Variants in CREB3L3 observed in about 807,000 individuals in gnomAD.
CREB3L3 encodes the protein cyclic AMP-responsive element-binding protein 3-like protein 3.
Under a neutral mutation model 44.6 loss-of-function variants are expected in CREB3L3, and 40 were observed. The observed-to-expected ratio is 0.90, with a 90% CI of 0.70 to 1.17. The LOEUF (loss-of-function observed/expected upper bound fraction) is 1.17. Ranked by LOEUF, CREB3L3 falls within the 50% of genes most tolerant of loss-of-function variation. The probability of loss-of-function intolerance (pLI) is 0.00; values close to 1 mark genes in which losing one functional copy is unlikely to be tolerated. For synonymous variants in CREB3L3, 273 were observed against 256.3 expected (o/e 1.06, Z -0.62); for missense variants, 578 against 595.8 (o/e 0.97, Z 0.31).
chr19:4,164,667 G>A (rs772607501), intron 5 of CREB3L3, 27 bp downstream of exon 5: 2 of 1,613,310 alleles, frequency 1.2e-6, no homozygotes, highest in Non-Finnish European at 1.7e-6. Context: ...TTCCAGCCCT[G>A]GATCCATCTC....
chr19:4,160,418 C>G (rs928820519), intron 4 of CREB3L3, among the ~76,000 whole-genome samples: 1 of 151,924 alleles, frequency 6.6e-6, no homozygotes, highest in African/African-American at 2.4e-5. Context: ...ATCGCCCAGG[C>G]TGGAGTGCAG....
At chr19:4,155,301 G>A (rs2041557315) in intron 2 of CREB3L3, among the ~76,000 whole-genome samples, 1 of 152,014 alleles carries the variant, frequency 6.6e-6, no homozygotes, top group Non-Finnish European at 1.5e-5. Flanking sequence ...CAAACTTGGG[G>A]CATCTCCCTG....
At chr19:4,166,980 C>T (rs756231689) in intron 5 of CREB3L3, among the ~76,000 whole-genome samples, 2 of 152,016 alleles carry the variant, frequency 1.3e-5, no homozygotes, top group African/African-American at 2.4e-5. Context: ...GATCCTCTTG[C>T]CTTGGCCTCC....
chr19:4,165,731 G>A (rs752549540), intron 5 of CREB3L3, among the ~76,000 whole-genome samples: 2 of 151,708 alleles, frequency 1.3e-5, no homozygotes, highest in Non-Finnish European at 2.9e-5. Flanking sequence ...CCTGGTGGTG[G>A]GCAACTGTAA....
At chr19:4,156,095 C>G (rs148799754) in intron 2 of CREB3L3, among the ~76,000 whole-genome samples, 929 of 17,876 alleles carry the variant, frequency 0.052, 47 homozygotes, top group East Asian at 0.092. Context: ...CTCTCTCTCT[C>G]TCTCTCTCTC....
At position 4,157,257 on chromosome 19, in the gene CREB3L3, T is replaced by A. The variant is rs1318265523; in HGVS notation, c.419T>A (p.Val140Glu). ...TGCTCCACCACAACCCCAGGGCCAGTGATCCAAGTACCTGAAGCCTCTGTG... is the reference window on the plus strand; with the variant it reads ...TGCTCCACCACAACCCCAGGGCCAGAGATCCAAGTACCTGAAGCCTCTGTG... ...NSCSTTTPGPVIQVPEASVTI... is the reference protein window; with the variant it reads ...NSCSTTTPGPEIQVPEASVTI... The change falls in exon 3 of 10, where the codon GTG becomes GAG. Residue 140 changes from valine to glutamate, a missense_variant. Physicochemically the swap from Val to Glu is moderately radical, Grantham distance 121. Transcript: ENST00000078445. 1.9e-6 allele frequency: 3 copies of A among 1,614,154 alleles called. No individual in the cohort carries two copies. The highest frequency in any genetic ancestry group is 1.6e-4 in the Middle Eastern group (1 of 6,062).
chr19:4,165,989 G>A (rs1405109163), intron 5 of CREB3L3, among the ~76,000 whole-genome samples: 1 of 152,072 alleles, frequency 6.6e-6, no homozygotes, highest in Admixed American at 6.6e-5. Flanking sequence ...ATATGCACCA[G>A]TCAATGGCTG....
Position 4,155,152 on chromosome 19 carries a change from G to C in CREB3L3, c.156+125G>C, listed in dbSNP as rs1468525243. ...CTGCTCAGCTCTACGATGCACTAAT[G>C]GGTCACGGTGCTTGATTTTAGCCAA... On this transcript the variant is annotated intron_variant, in intron 2 of 9. Coordinates refer to ENST00000078445, the MANE Select transcript of CREB3L3 (RefSeq NM_032607.3). The C allele has an allele frequency of 4.2e-6, 5 of 1,189,630 alleles. No individual in the cohort carries two copies. The African/African-American group carries it at 7.5e-5, about 18-fold the overall frequency. 73.7% of individuals were successfully genotyped at this position (1,189,630 alleles called of 1,614,324 possible).
At chr19:4,157,370 C>T (rs2145120680) in intron 3 of CREB3L3, 75 bp downstream of exon 3, 2 of 1,521,140 alleles carry the variant, frequency 1.3e-6, no homozygotes, top group East Asian at 2.3e-5. Flanking sequence ...GAAATGGAGG[C>T]CCAGAGAGGG....
At chr19:4,168,511 GAGA>G in intron 6 of CREB3L3, 54 bp downstream of exon 6, 9 of 1,416,282 alleles carry the variant, frequency 6.4e-6, no homozygotes, top group Non-Finnish European at 8.8e-6. Flanking sequence ...GAGGCCCAGA[GAGA>G]AGGAGATGTG....
chr19:4,164,541 T>C lies in CREB3L3; in HGVS notation c.615T>C (p.Pro205=). ...TGGGGGCCTCCTACCTCCTGCGACCTGGGGCTGGGCACTGTCAGGAGCTGG... is the reference window on the plus strand; with the variant it reads ...TGGGGGCCTCCTACCTCCTGCGACCCGGGGCTGGGCACTGTCAGGAGCTGG... ...HHLGASYLLR[P]GAGHCQELVL... Residue 205 remains proline (P), a synonymous_variant, in exon 5 of 10, where the codon CCT becomes CCC. Coordinates refer to ENST00000078445, the MANE Select transcript of CREB3L3 (RefSeq NM_032607.3). 1 of 1,614,068 alleles carries C rather than the reference T, an allele frequency of 6.2e-7. No homozygotes were observed.
chr19:4,167,550 G>A (rs1205357914), intron 5 of CREB3L3, among the ~76,000 whole-genome samples: 37 of 129,916 alleles, frequency 2.8e-4, no homozygotes, highest in Non-Finnish European at 4.8e-4. Context: ...GGGAGGGAGG[G>A]AGGGAGGGAG....
chr19:4,171,272 G>T lies in CREB3L3; in HGVS notation c.975+97G>T. The T allele has an allele frequency of 6.9e-7, 1 of 1,450,420 alleles. No homozygotes were observed. Among genetic ancestry groups the T allele is most frequent in the Middle Eastern group, 1.7e-4 (1 of 5,726 alleles). 89.8% of individuals were successfully genotyped at this position (1,450,420 alleles called of 1,614,324 possible). A position where few individuals can be genotyped will look rare whatever the true frequency, so the allele number is the denominator to read the frequency against. ...GAGTCCAAGCTCTCCTTGTGCCCCA[G>T]CTCAAGTATGATCCAGTCTGGTCTT... is the stretch of plus-strand genomic sequence containing the variant. On this transcript the variant is annotated intron_variant, in intron 8 of 9. Coordinates refer to ENST00000078445, the MANE Select transcript of CREB3L3 (RefSeq NM_032607.3). The surrounding 1 kb of genome is among the most constrained non-coding windows in gnomAD (Gnocchi z 4.9).
chr19:4,164,131 G>A (rs1447756827), intron 4 of CREB3L3, among the ~76,000 whole-genome samples: 4 of 151,572 alleles, frequency 2.6e-5, no homozygotes, highest in African/African-American at 4.9e-5. Context: ...CCGCCACTAC[G>A]CCCAGCTAAC....
Position 4,164,513 on chromosome 19 carries a change from A to T in CREB3L3, c.587A>T (p.His196Leu). 6.2e-7 allele frequency: 1 copy of T among 1,613,950 alleles called. No individual in the cohort carries two copies. Among genetic ancestry groups the T allele is most frequent in the Non-Finnish European group, 8.5e-7 (1 of 1,179,992 alleles). ...TGATTTTTTCCGTAGCAACAGCATC[A>T]CCTGGGGGCCTCCTACCTCCTGCGA... ...SGSSGDLQQH[H>L]LGASYLLRPG... The change falls in exon 5 of 10, where the codon CAC becomes CTC. Residue 196 changes from histidine to leucine, a missense_variant. By Grantham distance (99) the His-to-Leu change is moderately conservative. Transcript: ENST00000078445.
chr19:4,162,258 A>G (rs147821419), intron 4 of CREB3L3, among the ~76,000 whole-genome samples: 18,299 of 151,830 alleles, frequency 0.12, 1,182 homozygotes, highest in East Asian at 0.25. Flanking sequence ...CACCCGCCTC[A>G]GCCTCCCAAA....
chr19:4,169,332 T>C (rs984516805), intron 6 of CREB3L3, among the ~76,000 whole-genome samples: 1 of 151,418 alleles, frequency 6.6e-6, no homozygotes, highest in African/African-American at 2.4e-5. Flanking sequence ...CCAAAAAAAT[T>C]AACTGGGCTT....
At chr19:4,168,185 G>C (rs543166550) in intron 5 of CREB3L3, among the ~76,000 whole-genome samples, 166 bp from the exon 6 acceptor site, 1 of 151,888 alleles carries the variant, frequency 6.6e-6, no homozygotes, top group African/African-American at 2.4e-5. Context: ...TTTTAGTAGA[G>C]ACGGTGTTTC....
chr19:4,171,950 C>A lies in CREB3L3; in HGVS notation c.1367C>A (p.Ala456Glu). 6.2e-7 allele frequency: 1 copy of A among 1,602,212 alleles called. No homozygotes were observed. The highest frequency in any genetic ancestry group is 8.5e-7 in the Non-Finnish European group (1 of 1,175,806). ...GGCTCAGGACGTGCAGGGCTGGAGGCGGCGGGAGACGAGCTGTGAGCCCCG... is the reference window on the plus strand; with the variant it reads ...GGCTCAGGACGTGCAGGGCTGGAGGAGGCGGGAGACGAGCTGTGAGCCCCG... ...STGSGRAGLEAAGDEL is the reference protein window; with the variant it reads ...STGSGRAGLEEAGDEL Residue 456 changes from alanine to glutamate, a missense_variant, in exon 10 of 10, where the codon GCG becomes GAG. Coordinates refer to ENST00000078445, the MANE Select transcript of CREB3L3 (RefSeq NM_032607.3). The surrounding 1 kb of genome is among the most constrained non-coding windows in gnomAD (Gnocchi z 4.9).
Sources: gnomAD v4.1 joint callset for allele counts (sites outside exome capture counted in the v4.1 genomes callset) on GRCh38, gnomAD v4.1.1 for gene constraint, Gnocchi (gnomAD v3.1) non-coding constraint, MANE v1.5 for transcripts, NCBI Gene and HGNC (gene_info 2026-07-23, HGNC 2026-07-21) for gene names.